RNF17: variants seen among roughly 807,000 people sequenced by gnomAD.
The protein encoded by RNF17 is spermatogenesis associated 23.
A neutral mutation model predicts 200.5 loss-of-function variants in RNF17; 31 were observed. The observed-to-expected ratio is 0.15, with a 90% CI of 0.12 to 0.21. RNF17 has a LOEUF of 0.21. RNF17 is among the 10% of genes least tolerant of loss of function. RNF17 has a pLI of 1.00. For missense variants in RNF17, 1,628 were observed against 1,905.1 expected, an observed-to-expected ratio of 0.85 and a Z score of 2.71; for synonymous variants, 606 against 637.8, an observed-to-expected ratio of 0.95 and a Z score of 0.75.
At chr13:24,770,018 G>A (rs1566112142) in intron 2 of RNF17, among the ~76,000 whole-genome samples, 1 of 151,998 alleles carries the variant, frequency 6.6e-6, no homozygotes, top group Non-Finnish European at 1.5e-5. Flanking sequence ...TAGAAATACT[G>A]GCATTTTATT....
At chr13:24,863,158 A>G (rs138152350) in intron 28 of RNF17, among the ~76,000 whole-genome samples, 42 of 152,324 alleles carry the variant, frequency 2.8e-4, no homozygotes, top group Non-Finnish European at 5.1e-4. Flanking sequence ...CTGGGAGTCT[A>G]TCATGATCTG....
At chr13:24,806,400 A>G (rs980731407) in intron 15 of RNF17, among the ~76,000 whole-genome samples, 6 of 152,268 alleles carry the variant, frequency 3.9e-5, no homozygotes, top group African/African-American at 1.4e-4. Context: ...TGCTGGGTCA[A>G]ATGGATTTCT....
At chr13:24,824,578 T>C (rs190273273) in intron 15 of RNF17, among the ~76,000 whole-genome samples, 6 of 152,156 alleles carry the variant, frequency 3.9e-5, no homozygotes, top group African/African-American at 1.4e-4. Context: ...TAGGAAACTT[T>C]AGAAACTTTT....
At chr13:24,808,577 A>G (rs1158355844) in intron 15 of RNF17, among the ~76,000 whole-genome samples, 10 of 119,108 alleles carry the variant, frequency 8.4e-5, no homozygotes, top group African/African-American at 3.4e-4. Context: ...ATATACAATC[A>G]TGTCGTCTGC....
At chr13:24,817,468 CAG>C (rs1236683982) in intron 15 of RNF17, among the ~76,000 whole-genome samples, 11 of 152,112 alleles carry the variant, frequency 7.2e-5, no homozygotes, top group Non-Finnish European at 1.3e-4. Flanking sequence ...CCTGTTATCT[CAG>C]TACTTTGGAA....
At chr13:24,761,710 C>G (rs973336869), upstream of RNF17, among the ~76,000 whole-genome samples, 1 of 152,140 alleles carries the variant, frequency 6.6e-6, no homozygotes, top group African/African-American at 2.4e-5. Flanking sequence ...ATTTAAACAA[C>G]CTAAATTGAA....
At chr13:24,784,981 A>G (rs1249482126) in intron 6 of RNF17, among the ~76,000 whole-genome samples, 2 of 152,166 alleles carry the variant, frequency 1.3e-5, no homozygotes, top group Non-Finnish European at 2.9e-5. Context: ...TGCTGGGATT[A>G]CAGGTGTGAG....
chr13:24,789,291 G>C, intron 7 of RNF17, 57 bp from the exon 8 acceptor site: 1 of 1,147,176 alleles, frequency 8.7e-7, no homozygotes, highest in Non-Finnish European at 1.3e-6. Flanking sequence ...AAATCTTACT[G>C]TTCAGCAATA....
chr13:24,788,990 A>G (rs1566134987), intron 7 of RNF17, among the ~76,000 whole-genome samples: 1 of 152,192 alleles, frequency 6.6e-6, no homozygotes, highest in Non-Finnish European at 1.5e-5. Context: ...TTACACGTGC[A>G]ACACTAGGTG....
intron 31 of RNF17, 125 bp downstream of exon 31, chr13:24,868,841 A>G (rs1386196399): frequency 3.0e-6 from 2 of 661,304 alleles, no homozygotes; most frequent in East Asian, 2.6e-5. Flanking sequence ...CGTGAACTCT[A>G]GTTTGCCCCA....
intron 4 of RNF17, among the ~76,000 whole-genome samples, chr13:24,778,641 T>C: frequency 6.6e-6 from 1 of 152,228 alleles, no homozygotes; most frequent in East Asian, 1.9e-4. Flanking sequence ...TATTTACCTG[T>C]GTGTAGCTTC....
At chr13:24,783,200 C>T (rs1159325836) in intron 6 of RNF17, among the ~76,000 whole-genome samples, 2 of 152,144 alleles carry the variant, frequency 1.3e-5, no homozygotes, top group Non-Finnish European at 2.9e-5. Flanking sequence ...AATGAGCTCA[C>T]CATATATGTG....
intron 11 of RNF17, among the ~76,000 whole-genome samples, chr13:24,796,527 T>C (rs1252510513): frequency 2.0e-5 from 3 of 152,188 alleles, no homozygotes; most frequent in Non-Finnish European, 4.4e-5. Flanking sequence ...CTCCATTATG[T>C]AGTAGGGCGA....
chr13:24,863,487 T>A (rs1429350718), intron 28 of RNF17, among the ~76,000 whole-genome samples: 1 of 152,040 alleles, frequency 6.6e-6, no homozygotes, highest in East Asian at 1.9e-4. Context: ...AGAGCCTCAG[T>A]GGAGGTTTCT....
Position 24,799,377 on chromosome 13 carries a change from G to A in RNF17, c.1400-18G>A. 1 of 1,577,266 alleles carries A rather than the reference G, an allele frequency of 6.3e-7. No homozygotes were observed. Among genetic ancestry groups the A allele is most frequent in the South Asian group, 1.1e-5 (1 of 87,972 alleles). ...TATTGATAAATGTTTATAACGATTT[G>A]TTTCCCTCATTATTTAGGTGCAAGA... On this transcript the variant is annotated intron_variant, in intron 11 of 35. Transcript: ENST00000255324.
chr13:24,779,629 TA>T lies in RNF17; in HGVS notation c.430-37del, dbSNP rs1338753992. Reference sequence around the variant, plus strand: ...TATATATGTCTAGGCATCTGTTTTTTAGTTTTATATTTGTATGTGATTTCCC... The same window carrying T: ...TATATATGTCTAGGCATCTGTTTTTTGTTTTATATTTGTATGTGATTTCCC... On this transcript the variant is annotated intron_variant, in intron 4 of 35. Transcript: ENST00000255324. 3.3e-6 allele frequency: 5 copies of T among 1,503,352 alleles called. No individual in the cohort carries two copies. In the African/African-American group the frequency reaches 5.5e-5, roughly 17 times the overall value. 93.1% of individuals were successfully genotyped at this position (1,503,352 alleles called of 1,614,324 possible).
chr13:24,804,115 A>C (rs1885567711), intron 14 of RNF17, among the ~76,000 whole-genome samples, 173 bp from the exon 15 acceptor site: 2 of 152,150 alleles, frequency 1.3e-5, no homozygotes, highest in Admixed American at 1.3e-4. Context: ...TACAAAAATT[A>C]GCCAGGTGTG....
chr13:24,871,958 CTTTTTTT>C (rs60797153), intron 32 of RNF17, among the ~76,000 whole-genome samples: 1 of 71,732 alleles, frequency 1.4e-5, no homozygotes, highest in East Asian at 5.8e-4. Flanking sequence ...TTATTGATGA[CTTTTTTT>C]TTTTTTTTTT....
At chr13:24,881,908 A>G, downstream of RNF17, among the ~76,000 whole-genome samples, 1 of 127,994 alleles carries the variant, frequency 7.8e-6, no homozygotes, top group African/African-American at 2.7e-5. Context: ...ATATAGATAT[A>G]TAGATACATC....
Sources: allele counts gnomAD v4.1 joint callset (sites outside exome capture counted in the v4.1 genomes callset), GRCh38; gene constraint gnomAD v4.1.1; transcripts MANE v1.5; gene names NCBI Gene and HGNC (gene_info 2026-07-23, HGNC 2026-07-21).